The following AGT variants were observed in gnomAD, a reference collection of about 807,000 sequenced individuals.
The protein encoded by AGT is angiotensinogen, also known as alpha-1 antiproteinase, antitrypsin.
In AGT, 26 loss-of-function variants were observed where a neutral mutation model predicts 28.1. The observed-to-expected ratio is 0.92, with a 90% CI of 0.68 to 1.28. The LOEUF (loss-of-function observed/expected upper bound fraction) is 1.28. AGT is among the 50% of genes most tolerant of loss of function. AGT has a pLI of 0.00. For synonymous variants in AGT, 259 were observed against 259.6 expected, an observed-to-expected ratio of 1.00 and a Z score of 0.02; for missense variants, 596 against 592.3, an observed-to-expected ratio of 1.01 and a Z score of -0.06.
At chr1:230,704,863 G>A (rs901977024) in intron 3 of AGT, among the ~76,000 whole-genome samples, 2 of 152,184 alleles carry the variant, frequency 1.3e-5, no homozygotes, top group Non-Finnish European at 1.5e-5. Context: ...GATGTATCAA[G>A]CACTTATAAG....
intron 1 of AGT, among the ~76,000 whole-genome samples, chr1:230,720,972 C>T (rs768002706): frequency 6.6e-6 from 1 of 152,238 alleles, no homozygotes; most frequent in Non-Finnish European, 1.5e-5. Flanking sequence ...AACTGGTATA[C>T]AAGCCAGACC....
chr1:230,732,231 C>T (rs556580951), intron 1 of AGT, among the ~76,000 whole-genome samples: 1 of 152,226 alleles, frequency 6.6e-6, no homozygotes, highest in African/African-American at 2.4e-5. Flanking sequence ...AAATTCTGGG[C>T]CTCAAGCAAT....
intron 4 of AGT, 89 bp downstream of exon 4, chr1:230,704,104 A>G: frequency 6.2e-7 from 1 of 1,601,684 alleles, no homozygotes; most frequent in Non-Finnish European, 8.5e-7. Flanking sequence ...GGCCCCACCC[A>G]TAGCCTCCTC....
intron 1 of AGT, among the ~76,000 whole-genome samples, chr1:230,720,406 A>T (rs1663819398): frequency 6.6e-6 from 1 of 152,102 alleles, no homozygotes; most frequent in African/African-American, 2.4e-5. Flanking sequence ...CCTATTCCCT[A>T]CCCCTTTCCC....
At chr1:230,706,992 G>A (rs893104859) in intron 2 of AGT, among the ~76,000 whole-genome samples, 3 of 152,172 alleles carry the variant, frequency 2.0e-5, no homozygotes, top group South Asian at 2.1e-4. Context: ...AGTGGGCCAC[G>A]CAGGCCCCGG....
At chr1:230,730,889 C>G (rs1285219215) in intron 1 of AGT, among the ~76,000 whole-genome samples, 1 of 152,194 alleles carries the variant, frequency 6.6e-6, no homozygotes, top group Non-Finnish European at 1.5e-5. Context: ...TCAATCGCAT[C>G]CTACATGCCC....
chr1:230,720,219 C>T (rs2102797652), intron 1 of AGT, among the ~76,000 whole-genome samples: 1 of 152,212 alleles, frequency 6.6e-6, no homozygotes, highest in South Asian at 2.1e-4. Context: ...CTCCAGTTGG[C>T]CATGGTGGTT....
intron 1 of AGT, among the ~76,000 whole-genome samples, chr1:230,729,011 T>C (rs1664003522): frequency 1.3e-5 from 2 of 152,196 alleles, no homozygotes. Context: ...GGTTGTCCAC[T>C]AGGAGACTGA....
chr1:230,708,850 C>T (rs1435783012), intron 2 of AGT, among the ~76,000 whole-genome samples: 9 of 152,200 alleles, frequency 5.9e-5, no homozygotes, highest in East Asian at 1.9e-4. Context: ...GAACAGAACG[C>T]GTCCCCATTC....
intron 1 of AGT, among the ~76,000 whole-genome samples, chr1:230,726,824 C>A (rs1314576902): frequency 6.6e-6 from 1 of 152,162 alleles, no homozygotes; most frequent in East Asian, 1.9e-4. Flanking sequence ...TGTCTAAACC[C>A]AGCAGGGCTT....
intron 1 of AGT, among the ~76,000 whole-genome samples, chr1:230,720,510 C>T (rs1438602008): frequency 2.7e-5 from 4 of 150,114 alleles, no homozygotes; most frequent in Admixed American, 2.0e-4. Flanking sequence ...GCAGATGGGG[C>T]GGGTCCCCGG....
chr1:230,739,138 A>C (rs891887100), intron 1 of AGT, among the ~76,000 whole-genome samples: 1 of 151,744 alleles, frequency 6.6e-6, no homozygotes, highest in Admixed American at 6.6e-5. Context: ...CAGGAGAATC[A>C]TTTGAAGCTA....
At chr1:230,720,495 C>G (rs1663821323) in intron 1 of AGT, among the ~76,000 whole-genome samples, 1 of 145,802 alleles carries the variant, frequency 6.9e-6, no homozygotes, top group Non-Finnish European at 1.5e-5. Flanking sequence ...CAGCCAAATG[C>G]CTAGGCAGAT....
At chr1:230,719,489 G>A (rs1402088323), upstream of AGT, among the ~76,000 whole-genome samples, 13 of 149,338 alleles carry the variant, frequency 8.7e-5, no homozygotes. Flanking sequence ...CTCACTGCAA[G>A]CTCCGCCTCC....
chr1:230,730,124 T>C (rs1364236916), intron 1 of AGT, among the ~76,000 whole-genome samples: 1 of 152,112 alleles, frequency 6.6e-6, no homozygotes, highest in African/African-American at 2.4e-5. Context: ...TTTCACCTTG[T>C]TGGCCAGGCT....
chr1:230,714,501 A>C (rs959299722), upstream of AGT, among the ~76,000 whole-genome samples: 7 of 152,132 alleles, frequency 4.6e-5, no homozygotes, highest in Admixed American at 4.6e-4. Flanking sequence ...AGGGACATGC[A>C]GGCCGGAGGT....
At chr1:230,714,750 CA>C (rs1460914563), upstream of AGT, among the ~76,000 whole-genome samples, 1 of 152,202 alleles carries the variant, frequency 6.6e-6, no homozygotes, top group Non-Finnish European at 1.5e-5. Flanking sequence ...TTGAAAGACA[CA>C]AACAAAATGC....
At chr1:230,723,565 G>C (rs926292406) in intron 1 of AGT, among the ~76,000 whole-genome samples, 2 of 152,178 alleles carry the variant, frequency 1.3e-5, no homozygotes, top group Non-Finnish European at 2.9e-5. Context: ...GCCAGAGCTT[G>C]TCTGCTATAC....
At position 230,730,152 on chromosome 1, in the gene AGT, C is replaced by G. The variant is rs367634535; in HGVS notation, c.-31+15363G>C. Among the ~76,000 whole-genome samples the G allele has an allele frequency of 5.3e-5, 8 of 152,052 alleles. No homozygotes were observed. In the East Asian group the frequency reaches 7.9e-4, roughly 15 times the overall value. On this transcript the variant is annotated intron_variant, in intron 1 of 4. Coordinates refer to the AGT transcript ENST00000681269. ...GCCAGGCTGTTCTCAAACTCCTGAC[C>G]TCAGGTGATCCACCTGCCTCAGCCT...
Sources: gnomAD v4.1 joint callset for allele counts (sites outside exome capture counted in the v4.1 genomes callset) on GRCh38, gnomAD v4.1.1 for gene constraint, MANE v1.5 for transcripts, NCBI Gene and HGNC (gene_info 2026-07-23, HGNC 2026-07-21) for gene names.